The following PFKFB4 variants were observed in gnomAD, a reference collection of about 807,000 sequenced individuals.
The protein encoded by PFKFB4 is 6-phosphofructo-2-kinase/fructose-2,6-bisphosphatase 4.
Under a neutral mutation model 62.8 loss-of-function variants are expected in PFKFB4, and 42 were observed. That is an observed-to-expected ratio of 0.67 (90% CI 0.52 to 0.86). The LOEUF (loss-of-function observed/expected upper bound fraction) is 0.86, where lower values mean the gene tolerates loss of function less well. Ranked by LOEUF, PFKFB4 falls within the 40% of genes least tolerant of loss-of-function variation. The probability of loss-of-function intolerance (pLI) is 0.00; values close to 1 mark genes in which losing one functional copy is unlikely to be tolerated. For synonymous variants in PFKFB4, 204 were observed against 240.7 expected (o/e 0.85, Z 1.41); for missense variants, 475 against 627.2 (o/e 0.76, Z 2.59).
chr3:48,526,572 C>CAAA (rs1427105726), intron 9 of PFKFB4, among the ~76,000 whole-genome samples: 135 of 78,032 alleles, frequency 1.7e-3, no homozygotes, highest in African/African-American at 5.1e-3. Flanking sequence ...GACTCTGTCT[C>CAAA]AAAAAAAAAA....
chr3:48,561,044 G>A (rs557891636), upstream of PFKFB4: 120 of 1,273,814 alleles, frequency 9.4e-5, no homozygotes, highest in East Asian at 1.2e-4. The surrounding 1 kb of genome is among the most constrained non-coding windows in gnomAD (Gnocchi z 5.2). Flanking sequence ...ACGCTGTCCC[G>A]TGCCTACCCC....
At chr3:48,536,176 C>T (rs1427610782) in intron 8 of PFKFB4, 80 bp downstream of exon 8, 33 of 1,183,354 alleles carry the variant, frequency 2.8e-5, no homozygotes, top group East Asian at 7.1e-5. Context: ...CTAGCCCCAG[C>T]GCACTCACAC....
chr3:48,537,336 C>G (rs1284608805), intron 7 of PFKFB4, among the ~76,000 whole-genome samples: 1 of 152,014 alleles, frequency 6.6e-6, no homozygotes. Flanking sequence ...CATCACAGAA[C>G]CATGAAGAGA....
intron 3 of PFKFB4, chr3:48,548,458 T>A (rs376392192): frequency 2.6e-4 from 40 of 151,860 alleles, no homozygotes; most frequent in African/African-American, 9.4e-4. Context: ...TGAGACTCCA[T>A]CACACACACA....
At chr3:48,527,400 C>G (rs2042297580) in intron 9 of PFKFB4, among the ~76,000 whole-genome samples, 1 of 151,630 alleles carries the variant, frequency 6.6e-6, no homozygotes, top group Non-Finnish European at 1.5e-5. Context: ...CCCACCTCAG[C>G]CTCCCAAGTA....
In PFKFB4 at chr3:48,538,632, G is replaced by C; in HGVS notation, c.511-13C>G. 1 of 1,614,148 alleles carries C rather than the reference G, an allele frequency of 6.2e-7. No individual in the cohort carries two copies. The highest frequency in any genetic ancestry group is 8.5e-7 in the Non-Finnish European group (1 of 1,180,028). ...CCAGTTTCACTTGCTGCCGGAGCCA[G>C]GCACAGAGAAAGGACATATCAGGGT... On this transcript the variant is annotated splice_polypyrimidine_tract_variant and intron_variant, in intron 6 of 13. Coordinates refer to ENST00000232375, the MANE Select transcript of PFKFB4 (RefSeq NM_004567.4).
chr3:48,533,284 G>A (rs374673824), intron 9 of PFKFB4, among the ~76,000 whole-genome samples: 3 of 152,162 alleles, frequency 2.0e-5, no homozygotes, highest in African/African-American at 7.2e-5. Context: ...ATGCATGGTG[G>A]TGAGAGTTGC....
chr3:48,522,517 G>A (rs1041232319), intron 12 of PFKFB4, among the ~76,000 whole-genome samples: 1 of 152,234 alleles, frequency 6.6e-6, no homozygotes, highest in Admixed American at 6.5e-5. Flanking sequence ...AAGAGCACCT[G>A]TGTTAAAGGT....
chr3:48,546,305 TTGTG>T (rs144720503), intron 3 of PFKFB4, among the ~76,000 whole-genome samples: 9 of 151,598 alleles, frequency 5.9e-5, no homozygotes, highest in Admixed American at 2.6e-4. Context: ...GTGTATAAGT[TTGTG>T]TGTGTGTGTC....
At chr3:48,556,890 C>T, upstream of PFKFB4, 2 of 1,444,656 alleles carry the variant, frequency 1.4e-6, no homozygotes, top group Admixed American at 6.1e-5. This position sits in a 1 kb window ranked among gnomAD's most constrained non-coding sequence, Gnocchi z 5.7. Context: ...CGCGACAGCC[C>T]ATGTCTATCT....
intron 4 of PFKFB4, among the ~76,000 whole-genome samples, chr3:48,541,508 C>A (rs2107546653): frequency 6.6e-6 from 1 of 151,920 alleles, no homozygotes; most frequent in East Asian, 2.0e-4. Context: ...TGGGCTCAAG[C>A]AGTCCTCCTG....
At chr3:48,525,084 G>C (rs1040242525) in intron 10 of PFKFB4, among the ~76,000 whole-genome samples, 6 of 152,106 alleles carry the variant, frequency 3.9e-5, no homozygotes, top group African/African-American at 1.4e-4. Context: ...AGTGAGCTGA[G>C]ACCCGAGTCC....
Position 48,521,581 on chromosome 3 carries a change from A to G in PFKFB4, c.1350+405T>C, listed in dbSNP as rs2042095687. 6.6e-6 allele frequency among the ~76,000 whole-genome samples: 1 copy of G among 152,172 alleles called. No individual in the cohort carries two copies. ...TCGGCTGCAGGGATGGGGAGTGGGA[A>G]GAGTGCCCACCTGCCCTCAGAAGGC... On this transcript the variant is annotated intron_variant, in intron 13 of 13. Coordinates refer to ENST00000232375, the MANE Select transcript of PFKFB4 (RefSeq NM_004567.4). The surrounding 1 kb of genome is among the most constrained non-coding windows in gnomAD (Gnocchi z 5.3).
chr3:48,536,421 G>A lies in PFKFB4; in HGVS notation c.675C>T (p.Tyr225=), dbSNP rs763661697. The A allele has an allele frequency of 6.8e-6, 11 of 1,614,054 alleles. No homozygotes were observed. The highest frequency in any genetic ancestry group is 3.3e-5 in the Admixed American group (2 of 60,006). Residue 225 remains tyrosine (Y), a synonymous_variant, in exon 8 of 14, where the codon TAC becomes TAT. Coordinates refer to ENST00000232375, the MANE Select transcript of PFKFB4 (RefSeq NM_004567.4). Reference sequence around the variant, plus strand: ...TGTGGTCAGCCACACGGTTCACCACGTAGCTCTGGCCCACATCCATGATCT... The same window carrying A: ...TGTGGTCAGCCACACGGTTCACCACATAGCTCTGGCCCACATCCATGATCT... ...YIKIMDVGQS[Y]VVNRVADHIQ...
intron 4 of PFKFB4, 151 bp downstream of exon 4, chr3:48,543,429 G>A (rs2042856725): frequency 1.4e-6 from 1 of 702,930 alleles, no homozygotes; most frequent in Non-Finnish European, 2.6e-6. Context: ...CTCCTGCATA[G>A]CTGTTGCAGA....
chr3:48,555,050 CAAAAAAAA>C (rs11328976), intron 1 of PFKFB4, among the ~76,000 whole-genome samples: 1 of 59,486 alleles, frequency 1.7e-5, no homozygotes, highest in African/African-American at 7.5e-5. Context: ...AACTCCGTCT[CAAAAAAAA>C]AAAAAAAAAA....
upstream of PFKFB4, chr3:48,556,806 C>T (rs763263806): frequency 2.5e-6 from 4 of 1,585,848 alleles, no homozygotes; most frequent in South Asian, 1.1e-5. The surrounding 1 kb of genome is among the most constrained non-coding windows in gnomAD (Gnocchi z 5.7). Context: ...CGGACTGCGC[C>T]GCTTCCAACC....
rs368933263 is a variant in PFKFB4, at chr3:48,553,364, C to T, written c.98-3130G>A. Among the ~76,000 whole-genome samples the T allele has an allele frequency of 2.6e-5, 4 of 152,104 alleles. No homozygotes were observed. In the East Asian group the frequency reaches 7.7e-4, roughly 29 times the overall value. ...TGGTGCACACCTGTAATCCCAGCTA[C>T]TCGGGAAGCTGAGACAGGAGAATTG... On this transcript the variant is annotated intron_variant, in intron 1 of 13. Transcript: ENST00000232375.
intron 3 of PFKFB4, among the ~76,000 whole-genome samples, chr3:48,546,519 T>A (rs1479867918): frequency 6.6e-6 from 1 of 152,056 alleles, no homozygotes; most frequent in Non-Finnish European, 1.5e-5. Context: ...GGTATGCATA[T>A]GTGTGTGCAC....
Sources: allele counts gnomAD v4.1 joint callset (sites outside exome capture counted in the v4.1 genomes callset), GRCh38; gene constraint gnomAD v4.1.1; non-coding constraint Gnocchi (gnomAD v3.1); transcripts MANE v1.5; gene names NCBI Gene and HGNC (gene_info 2026-07-23, HGNC 2026-07-21).